PDZRN4: variants seen among roughly 807,000 people sequenced by gnomAD.
PDZRN4 encodes PDZ domain-containing RING finger protein 4.
A neutral mutation model predicts 99.0 loss-of-function variants in PDZRN4; 70 were observed. That is an observed-to-expected ratio of 0.71 (90% CI 0.58 to 0.86). PDZRN4 has a LOEUF of 0.86. Ranked by LOEUF, PDZRN4 falls within the 40% of genes least tolerant of loss-of-function variation. PDZRN4 has a pLI of 0.00. For synonymous variants in PDZRN4, 551 were observed against 501.6 expected (o/e 1.10, Z -1.32); for missense variants, 1,474 against 1,331.2 (o/e 1.11, Z -1.67).
At chr12:41,296,734 A>T (rs1951497171) in intron 3 of PDZRN4, among the ~76,000 whole-genome samples, 1 of 152,116 alleles carries the variant, frequency 6.6e-6, no homozygotes, top group Non-Finnish European at 1.5e-5. Context: ...CTGAGACAGG[A>T]GGATCACTTG....
At chr12:41,218,473 T>A (rs1950934803) in intron 3 of PDZRN4, among the ~76,000 whole-genome samples, 2 of 152,036 alleles carry the variant, frequency 1.3e-5, no homozygotes, top group Non-Finnish European at 2.9e-5. Context: ...CTGATTTGCA[T>A]CTCATATTCT....
chr12:41,256,650 G>C (rs186792579), intron 3 of PDZRN4, among the ~76,000 whole-genome samples: 1 of 152,122 alleles, frequency 6.6e-6, no homozygotes, highest in Non-Finnish European at 1.5e-5. Context: ...TCTTGCCATA[G>C]CTGACTGAAC....
At chr12:41,403,312 C>T (rs974857755) in intron 3 of PDZRN4, among the ~76,000 whole-genome samples, 3 of 152,084 alleles carry the variant, frequency 2.0e-5, no homozygotes, top group African/African-American at 7.2e-5. Context: ...CGTATCATAA[C>T]TTCAATTGTA....
intron 3 of PDZRN4, among the ~76,000 whole-genome samples, chr12:41,388,534 C>A (rs1173069378): frequency 2.0e-5 from 3 of 152,140 alleles, no homozygotes; most frequent in African/African-American, 7.2e-5. Flanking sequence ...ATCTGCTTTA[C>A]CTTTTTCTAA....
chr12:41,441,782 C>T (rs564560127), intron 3 of PDZRN4, among the ~76,000 whole-genome samples: 2 of 152,088 alleles, frequency 1.3e-5, no homozygotes, highest in East Asian at 1.9e-4. Context: ...TGTTCCTTAG[C>T]GCCAGTGAAG....
At chr12:41,504,199 C>T (rs1185537289) in intron 3 of PDZRN4, among the ~76,000 whole-genome samples, 2 of 152,008 alleles carry the variant, frequency 1.3e-5, no homozygotes, top group East Asian at 1.9e-4. Flanking sequence ...ACCTGGGAGG[C>T]GGAGGTTATG....
At chr12:41,448,135 T>C (rs944203226) in intron 3 of PDZRN4, among the ~76,000 whole-genome samples, 2 of 152,138 alleles carry the variant, frequency 1.3e-5, no homozygotes, top group Admixed American at 6.5e-5. Context: ...TTTTGAGGGC[T>C]TGAAAGCCTT....
At chr12:41,295,783 A>G (rs1157562895) in intron 3 of PDZRN4, among the ~76,000 whole-genome samples, 2 of 152,198 alleles carry the variant, frequency 1.3e-5, no homozygotes, top group Non-Finnish European at 2.9e-5. Context: ...CTGAAATTGA[A>G]GCAAAAACAA....
intron 3 of PDZRN4, among the ~76,000 whole-genome samples, chr12:41,301,005 A>G (rs1951531930): frequency 6.6e-6 from 1 of 152,064 alleles, no homozygotes; most frequent in African/African-American, 2.4e-5. Context: ...ATTATCTATA[A>G]GGGGAATTTC....
chr12:41,501,665 C>T (rs538924487), intron 3 of PDZRN4, among the ~76,000 whole-genome samples: 67 of 152,228 alleles, frequency 4.4e-4, no homozygotes, highest in Admixed American at 3.5e-3. Context: ...TCTTTATCCA[C>T]TTAAGATTAT....
At chr12:41,260,646 T>C (rs1190912389) in intron 3 of PDZRN4, among the ~76,000 whole-genome samples, 1 of 152,142 alleles carries the variant, frequency 6.6e-6, no homozygotes, top group Non-Finnish European at 1.5e-5. Context: ...GAAAAGTTAA[T>C]GTTTTATTAG....
At chr12:41,341,604 AG>A (rs1951818044) in intron 3 of PDZRN4, among the ~76,000 whole-genome samples, 1 of 151,726 alleles carries the variant, frequency 6.6e-6, no homozygotes, top group Non-Finnish European at 1.5e-5. Flanking sequence ...TATAATAGCT[AG>A]CAAAAAAAAT....
intron 3 of PDZRN4, among the ~76,000 whole-genome samples, chr12:41,390,331 ATATT>A (rs777109565): frequency 6.6e-6 from 1 of 152,034 alleles, no homozygotes; most frequent in Non-Finnish European, 1.5e-5. Flanking sequence ...GCAGCCTGAG[ATATT>A]TGCGTTAATG....
intron 3 of PDZRN4, among the ~76,000 whole-genome samples, chr12:41,242,213 G>T (rs1433058162): frequency 2.0e-5 from 3 of 152,090 alleles, no homozygotes; most frequent in Admixed American, 6.6e-5. Context: ...AAATCTTCAG[G>T]ATTCCTTAAA....
intron 3 of PDZRN4, among the ~76,000 whole-genome samples, chr12:41,382,975 T>C (rs1314737464): frequency 6.6e-6 from 1 of 152,224 alleles, no homozygotes; most frequent in Non-Finnish European, 1.5e-5. Flanking sequence ...TTTTTTTCTC[T>C]TTGGGATTTT....
chr12:41,423,726 A>T (rs1233626332), intron 3 of PDZRN4, among the ~76,000 whole-genome samples: 1 of 152,096 alleles, frequency 6.6e-6, no homozygotes, highest in Non-Finnish European at 1.5e-5. Context: ...TAAAAAGTTG[A>T]TGTGAATTTG....
At chr12:41,384,197 A>G (rs1592037517) in intron 3 of PDZRN4, among the ~76,000 whole-genome samples, 1 of 152,112 alleles carries the variant, frequency 6.6e-6, no homozygotes, top group East Asian at 1.9e-4. Context: ...AAATAACAAC[A>G]AAAAGTCATT....
rs377271259 is a variant in PDZRN4, at chr12:41,460,036, T to C, written c.844-46420T>C. The C allele has an allele frequency of 2.7e-5, 35 of 1,287,004 alleles. No homozygotes were observed. In the South Asian group the frequency reaches 3.9e-4, roughly 14 times the overall value. The allele number at this position is 1,287,004 out of a possible 1,614,324, so 79.7% of individuals were successfully genotyped here. On this transcript the variant is annotated intron_variant, in intron 3 of 9. Coordinates refer to ENST00000402685, the MANE Select transcript of PDZRN4 (RefSeq NM_001164595.2). ...CTGATGGAGAGTATGTGTGGGATCTTAGTTCTGCTTCATTAAGCTCCTTGT... is the reference window on the plus strand; with the variant it reads ...CTGATGGAGAGTATGTGTGGGATCTCAGTTCTGCTTCATTAAGCTCCTTGT...
At chr12:41,543,057 G>T (rs938548843) in intron 5 of PDZRN4, among the ~76,000 whole-genome samples, 4 of 152,076 alleles carry the variant, frequency 2.6e-5, no homozygotes, top group African/African-American at 9.7e-5. Context: ...CACCTCTCTA[G>T]TGTCCTCTCT....
Sources: gnomAD v4.1 joint callset for allele counts (sites outside exome capture counted in the v4.1 genomes callset) on GRCh38, gnomAD v4.1.1 for gene constraint, MANE v1.5 for transcripts, NCBI Gene and HGNC (gene_info 2026-07-23, HGNC 2026-07-21) for gene names.